The following ZNF836 variants were observed in gnomAD, a reference collection of about 807,000 sequenced individuals.
ZNF836 encodes zinc finger protein 836.
In ZNF836, 12 loss-of-function variants were observed where a neutral mutation model predicts 7.4. The observed-to-expected ratio is 1.61, with a 90% CI of 1.03 to 2.61. The LOEUF (loss-of-function observed/expected upper bound fraction) is 2.61. ZNF836 is among the 30% of genes most tolerant of loss of function. The pLI is 0.00. For synonymous variants in ZNF836, 365 were observed against 382.6 expected, an observed-to-expected ratio of 0.95 and a Z score of 0.54; for missense variants, 998 against 1,126.2, an observed-to-expected ratio of 0.89 and a Z score of 1.63.
At position 52,168,062 on chromosome 19, in the gene ZNF836, G is replaced by T. The variant is rs1358984042; in HGVS notation, c.11C>A (p.Thr4Lys). ...CCACTAAGAATATCATTTTACCTGT[G>T]TAAGAGCCATCCCTGACTCCTTTTC... MAL[T>K]QGPLTFRDVA... Residue 4 changes from threonine to lysine, a missense_variant, in exon 3 of 5, where the codon ACA (threonine) becomes AAA (lysine). By Grantham distance (78) the Thr-to-Lys change is moderately conservative. Coordinates refer to ENST00000682614, the MANE Select transcript of ZNF836 (RefSeq NM_001102657.3). 6.2e-7 allele frequency: 1 copy of T among 1,607,764 alleles called. No individual in the cohort carries two copies. Among genetic ancestry groups the T allele is most frequent in the Non-Finnish European group, 8.5e-7 (1 of 1,174,726 alleles).
chr19:52,165,029 G>A (rs1568573679), intron 3 of ZNF836, among the ~76,000 whole-genome samples: 1 of 152,148 alleles, frequency 6.6e-6, no homozygotes, highest in Non-Finnish European at 1.5e-5. Flanking sequence ...GGCGGAGGTT[G>A]CAGTTGGCCC....
rs2089153432 is a variant in ZNF836, at chr19:52,155,956, T to C, written c.1727A>G (p.His576Arg). ...SGNLSIHKRI[H>R]TGEKPFQCNE... ...ACATTGGAAAGGTTTCTCTCCCGTATGTATTCTCTTATGAATTGAAAGGTT... is the reference window on the plus strand; with the variant it reads ...ACATTGGAAAGGTTTCTCTCCCGTACGTATTCTCTTATGAATTGAAAGGTT... Residue 576 changes from histidine to arginine, a missense_variant, in exon 5 of 5, where the codon CAT becomes CGT. Physicochemically the swap from His to Arg is conservative, Grantham distance 29. Coordinates refer to ENST00000682614, the MANE Select transcript of ZNF836 (RefSeq NM_001102657.3). The C allele has an allele frequency of 6.2e-7, 1 of 1,613,992 alleles. No homozygotes were observed. Among genetic ancestry groups the C allele is most frequent in the Non-Finnish European group, 8.5e-7 (1 of 1,179,888 alleles).
chr19:52,159,804 T>C (rs988787784), intron 4 of ZNF836, among the ~76,000 whole-genome samples: 2 of 152,070 alleles, frequency 1.3e-5, no homozygotes, highest in African/African-American at 2.4e-5. Flanking sequence ...GTTATAAGCA[T>C]GGGGCAGCAG....
chr19:52,155,243 C>T lies in ZNF836; in HGVS notation c.2440G>A (p.Ala814Thr). The change falls in exon 5 of 5, where the codon GCC (alanine) becomes ACC (threonine). Residue 814 changes from alanine to threonine, a missense_variant. Physicochemically the swap from Ala to Thr is moderately conservative, Grantham distance 58. Coordinates refer to ENST00000682614, the MANE Select transcript of ZNF836 (RefSeq NM_001102657.3). ...KPYVCNECGK[A>T]FRVRSILVNH... is the part of the protein sequence containing the mutation. ...ACCAGAATTGAACGCACTCTAAAGG[C>T]TTTGCCACACTCATTACACACGTAA... 6.2e-7 allele frequency: 1 copy of T among 1,613,946 alleles called. No homozygotes were observed. The highest frequency in any genetic ancestry group is 1.1e-5 in the South Asian group (1 of 91,076).
chr19:52,156,592 C>T lies in ZNF836; in HGVS notation c.1091G>A (p.Gly364Asp), dbSNP rs2089163056. The change falls in exon 5 of 5, where the codon GGC becomes GAC. Residue 364 changes from glycine (G) to aspartate (D), a missense_variant. By Grantham distance (94) the Gly-to-Asp change is moderately conservative. Coordinates refer to ENST00000682614, the MANE Select transcript of ZNF836 (RefSeq NM_001102657.3). ...GEKPYQCDIC[G>D]KVFRQNSNLV... ...ATTAGAATTCTGCCTGAAGACCTTG[C>T]CACATATATCACATTGATATGGTTT... 6.2e-7 allele frequency: 1 copy of T among 1,610,686 alleles called. No homozygotes were observed. The highest frequency in any genetic ancestry group is 8.5e-7 in the Non-Finnish European group (1 of 1,178,782).
Position 52,168,057 on chromosome 19 carries a change from C to A in ZNF836, c.15+1G>T, listed in dbSNP as rs186893188. The A allele has an allele frequency of 1.1e-5, 18 of 1,604,168 alleles. No individual in the cohort carries two copies. In the East Asian group the frequency reaches 3.4e-4, roughly 30 times the overall value. On this transcript the variant is annotated splice_donor_variant, in intron 3 of 4. Coordinates refer to ENST00000682614, the MANE Select transcript of ZNF836 (RefSeq NM_001102657.3). LOFTEE classifies it high-confidence loss of function. Reference sequence around the variant, plus strand: ...ATGATCCACTAAGAATATCATTTTACCTGTGTAAGAGCCATCCCTGACTCC... The same window carrying A: ...ATGATCCACTAAGAATATCATTTTAACTGTGTAAGAGCCATCCCTGACTCC...
Position 52,155,350 on chromosome 19 carries a change from TA to T in ZNF836, c.2332del (p.Tyr778ThrfsTer16). On this transcript the variant is annotated frameshift_variant, in exon 5 of 5. Transcript: ENST00000682614. LOFTEE classifies it low-confidence loss of function (END_TRUNC). ...GACCTTGCCACATTCATTACATTTGTAAGGTTTCTCTCCAGTGTGAATTCTC... is the reference window on the plus strand; with the variant it reads ...GACCTTGCCACATTCATTACATTTGTAGGTTTCTCTCCAGTGTGAATTCTC... ...HRRIHTGEKPYKCNECGKVFR... is the reference protein window; with the variant it reads ...HRRIHTGEKPXKCNECGKVFR... The T allele has an allele frequency of 6.2e-7, 1 of 1,614,110 alleles. No individual in the cohort carries two copies. The highest frequency in any genetic ancestry group is 8.5e-7 in the Non-Finnish European group (1 of 1,180,016).
intron 3 of ZNF836, among the ~76,000 whole-genome samples, chr19:52,165,991 A>G (rs1316922287): frequency 6.6e-6 from 1 of 150,902 alleles, no homozygotes; most frequent in Non-Finnish European, 1.5e-5. Context: ...TCCTTTTTTT[A>G]TTTTTATTTT....
chr19:52,163,227 T>TACTA (rs1423836254), intron 3 of ZNF836, among the ~76,000 whole-genome samples: 1 of 152,198 alleles, frequency 6.6e-6, no homozygotes, highest in Non-Finnish European at 1.5e-5. Context: ...CTTCTATCCA[T>TACTA]ACTAATCTCC....
At chr19:52,165,729 T>C (rs548199649) in intron 3 of ZNF836, among the ~76,000 whole-genome samples, 33 of 152,342 alleles carry the variant, frequency 2.2e-4, no homozygotes, top group African/African-American at 7.2e-4. Flanking sequence ...TACCCTGAGC[T>C]GCAAAGCAGC....
At chr19:52,157,732 G>A (rs1018228213) in intron 4 of ZNF836, among the ~76,000 whole-genome samples, 192 bp from the exon 5 acceptor site, 1 of 151,754 alleles carries the variant, frequency 6.6e-6, no homozygotes, top group African/African-American at 2.4e-5. Flanking sequence ...CACCACACCT[G>A]GCTAATTTTT....
In ZNF836 at chr19:52,157,381, T is replaced by C; in HGVS notation, c.302A>G (p.Gln101Arg). 1 of 1,608,270 alleles carries C rather than the reference T, an allele frequency of 6.2e-7. No individual in the cohort carries two copies. Among genetic ancestry groups the C allele is most frequent in the South Asian group, 1.1e-5 (1 of 89,216 alleles). The change falls in exon 5 of 5, where the codon CAA becomes CGA. Residue 101 changes from glutamine (Q) to arginine (R), a missense_variant. By Grantham distance (43) the Gln-to-Arg change is conservative. Transcript: ENST00000682614. Reference sequence around the variant, plus strand: ...ATAATTTATTTCACCATCTTTCCATTGAAACTCAAGGTCCTGTAGATTTTT... The same window carrying C: ...ATAATTTATTTCACCATCTTTCCATCGAAACTCAAGGTCCTGTAGATTTTT... ...IQKNLQDLEFQWKDGEINYKE... is the reference protein window; with the variant it reads ...IQKNLQDLEFRWKDGEINYKE...
At chr19:52,167,531 G>A (rs962707573) in intron 3 of ZNF836, among the ~76,000 whole-genome samples, 1 of 149,674 alleles carries the variant, frequency 6.7e-6, no homozygotes, top group Non-Finnish European at 1.5e-5. Context: ...TATCACTGAC[G>A]TGTGTATCTA....
At chr19:52,160,171 A>C (rs1293046733) in intron 4 of ZNF836, 6 of 487,046 alleles carry the variant, frequency 1.2e-5, no homozygotes, top group Non-Finnish European at 2.1e-5. Flanking sequence ...AGACAAAGCT[A>C]GACTCTGTCT....
intron 3 of ZNF836, among the ~76,000 whole-genome samples, chr19:52,166,642 C>T (rs1217032515): frequency 1.3e-4 from 19 of 147,704 alleles, no homozygotes; most frequent in East Asian, 9.9e-4. Flanking sequence ...GGCACGATCT[C>T]GGCTCACTGC....
rs1446851667 is a variant in ZNF836, at chr19:52,160,588, G to T, written c.19C>A (p.Pro7Thr). The change falls in exon 4 of 5, where the codon CCT becomes ACT. Residue 7 changes from proline to threonine, a missense_variant. Physicochemically the swap from Pro to Thr is conservative, Grantham distance 38. Transcript: ENST00000682614. ...ATGGCTACATCCCTGAATGTCAAAG[G>T]TCCCTGAAATGAAAAACACATTTCA... MALTQG[P>T]LTFRDVAIEF... The T allele has an allele frequency of 6.2e-7, 1 of 1,602,822 alleles. No homozygotes were observed. Among genetic ancestry groups the T allele is most frequent in the Non-Finnish European group, 8.5e-7 (1 of 1,177,172 alleles).
chr19:52,155,450 T>C lies in ZNF836; in HGVS notation c.2233A>G (p.Thr745Ala). 4 of 1,614,140 alleles carry C rather than the reference T, an allele frequency of 2.5e-6. No homozygotes were observed. Among genetic ancestry groups the C allele is most frequent in the Non-Finnish European group, 3.4e-6 (4 of 1,179,972 alleles). ...TGLTYHQRRH[T>A]GEMPYKCIEC... Reference sequence around the variant, plus strand: ...ATACATTTGTATGGCATCTCTCCAGTATGCCTTCTCTGATGGTACGTCAGG... The same window carrying C: ...ATACATTTGTATGGCATCTCTCCAGCATGCCTTCTCTGATGGTACGTCAGG... Residue 745 changes from threonine (T) to alanine (A), a missense_variant, in exon 5 of 5, where the codon ACT becomes GCT. By Grantham distance (58) the Thr-to-Ala change is moderately conservative (BLOSUM62 0). Transcript: ENST00000682614.
intron 3 of ZNF836, among the ~76,000 whole-genome samples, chr19:52,162,290 C>T (rs1432763281): frequency 6.6e-6 from 1 of 152,220 alleles, no homozygotes; most frequent in Non-Finnish European, 1.5e-5. Context: ...TTGGCCCCAC[C>T]TCCACAGCTA....
chr19:52,165,739 C>T (rs905119313), intron 3 of ZNF836, among the ~76,000 whole-genome samples: 1 of 152,174 alleles, frequency 6.6e-6, no homozygotes, highest in Non-Finnish European at 1.5e-5. Context: ...TGCAAAGCAG[C>T]CCTCTCCCAC....
Sources: allele counts gnomAD v4.1 joint callset (sites outside exome capture counted in the v4.1 genomes callset), GRCh38; gene constraint gnomAD v4.1.1; transcripts MANE v1.5; gene names NCBI Gene and HGNC (gene_info 2026-07-23, HGNC 2026-07-21).